Variants in PRELID2 observed in about 807,000 individuals in gnomAD.
The protein encoded by PRELID2 is PRELI domain containing 2.
A neutral mutation model predicts 28.4 loss-of-function variants in PRELID2; 25 were observed. The observed-to-expected ratio is 0.88, with a 90% CI of 0.64 to 1.23. The LOEUF is 1.23. PRELID2 is among the 50% of genes most tolerant of loss of function. PRELID2 has a pLI of 0.00. For synonymous variants in PRELID2, 76 were observed against 71.6 expected (o/e 1.06, Z -0.31); for missense variants, 201 against 214.4 (o/e 0.94, Z 0.39).
intron 1 of PRELID2, among the ~76,000 whole-genome samples, chr5:145,633,632 AT>A (rs1484018771): frequency 6.6e-6 from 1 of 152,218 alleles, no homozygotes; most frequent in East Asian, 1.9e-4. Flanking sequence ...GCATACTCCA[AT>A]ATCATGCTGT....
the PRELID2 span, among the ~76,000 whole-genome samples, chr5:145,362,811 G>A: frequency 6.6e-6 from 1 of 151,996 alleles, no homozygotes; most frequent in African/African-American, 2.4e-5. Context: ...ATGGTGTTTT[G>A]GCTGCCATGA....
In PRELID2 at chr5:145,819,632, C is replaced by G. The variant is rs531059099; in HGVS notation, c.207+313G>C. On this transcript the variant is annotated intron_variant, in intron 3 of 6. Coordinates refer to ENST00000683046, the MANE Select transcript of PRELID2 (RefSeq NM_205846.3). ...TCTTCCCATTTCTGATCATTCTCACCTAAGAGTAATTTCTAATCATGAACA... is the reference window on the plus strand; with the variant it reads ...TCTTCCCATTTCTGATCATTCTCACGTAAGAGTAATTTCTAATCATGAACA... 5 of 576,234 alleles carry G rather than the reference C, an allele frequency of 8.7e-6. No individual in the cohort carries two copies. In the Admixed American group the frequency reaches 1.4e-4, roughly 16 times the overall value. The allele number at this position is 576,234 out of a possible 1,614,324, so 35.7% of individuals were successfully genotyped here. A position where few individuals can be genotyped will look rare whatever the true frequency, so the allele number is the denominator to read the frequency against.
chr5:145,342,092 A>G, the PRELID2 span, among the ~76,000 whole-genome samples: 1 of 152,354 alleles, frequency 6.6e-6, no homozygotes, highest in Non-Finnish European at 1.5e-5. Flanking sequence ...GCCTGAAGAG[A>G]ATGAGATAAT....
intron 1 of PRELID2, among the ~76,000 whole-genome samples, chr5:145,563,022 C>T (rs897525898): frequency 1.3e-5 from 2 of 152,162 alleles, no homozygotes; most frequent in Non-Finnish European, 2.9e-5. Flanking sequence ...TCCTGTTCTT[C>T]CCTTTTCATG....
At chr5:145,395,849 C>G in the PRELID2 span, among the ~76,000 whole-genome samples, 1 of 152,116 alleles carries the variant, frequency 6.6e-6, no homozygotes, top group East Asian at 1.9e-4. Flanking sequence ...ATGTTAAAAT[C>G]TGAGCTTTAT....
the PRELID2 span, among the ~76,000 whole-genome samples, chr5:145,348,763 A>T: frequency 4.0e-5 from 6 of 151,856 alleles, no homozygotes; most frequent in Admixed American, 3.9e-4. Flanking sequence ...TGCAAATTTG[A>T]CTCCATGAAA....
chr5:145,329,718 A>G, the PRELID2 span, among the ~76,000 whole-genome samples: 13 of 152,298 alleles, frequency 8.5e-5, no homozygotes, highest in African/African-American at 2.6e-4. Flanking sequence ...CAATCATGTC[A>G]TCTGCAAACA....
At chr5:145,379,549 G>T in the PRELID2 span, among the ~76,000 whole-genome samples, 1 of 152,284 alleles carries the variant, frequency 6.6e-6, no homozygotes, top group South Asian at 2.1e-4. Context: ...CCTGTTCTCT[G>T]TGCAATGTTA....
the PRELID2 span, among the ~76,000 whole-genome samples, chr5:145,414,745 G>C: frequency 6.6e-6 from 1 of 152,118 alleles, no homozygotes; most frequent in Non-Finnish European, 1.5e-5. Flanking sequence ...TCAAATGAGT[G>C]CAATTTCAAC....
the PRELID2 span, among the ~76,000 whole-genome samples, chr5:145,417,477 A>T: frequency 6.6e-6 from 1 of 152,202 alleles, no homozygotes; most frequent in Non-Finnish European, 1.5e-5. Flanking sequence ...ATCCTTGATG[A>T]ACCTCAATGC....
intron 1 of PRELID2, among the ~76,000 whole-genome samples, chr5:145,720,273 C>A (rs1182953164): frequency 1.3e-5 from 2 of 151,488 alleles, no homozygotes; most frequent in Non-Finnish European, 3.0e-5. Flanking sequence ...AGAAAATTCA[C>A]CCTCAGTAGT....
At chr5:145,811,517 C>A (rs983906602) in intron 4 of PRELID2, among the ~76,000 whole-genome samples, 1 of 152,140 alleles carries the variant, frequency 6.6e-6, no homozygotes, top group Admixed American at 6.5e-5. Flanking sequence ...GAACTCCTGG[C>A]CACAAGATAC....
intron 1 of PRELID2, among the ~76,000 whole-genome samples, chr5:145,508,785 G>A (rs923267833): frequency 1.5e-4 from 23 of 152,116 alleles, no homozygotes; most frequent in African/African-American, 5.6e-4. Context: ...AAACAAACAT[G>A]CAGGAAGTCG....
At chr5:145,643,643 G>A (rs1011890651) in intron 1 of PRELID2, among the ~76,000 whole-genome samples, 5 of 152,174 alleles carry the variant, frequency 3.3e-5, no homozygotes, top group African/African-American at 1.2e-4. Flanking sequence ...GATATTGACT[G>A]TGGGTTTGTC....
chr5:145,313,257 A>G, the PRELID2 span, among the ~76,000 whole-genome samples: 1 of 152,232 alleles, frequency 6.6e-6, no homozygotes, highest in Non-Finnish European at 1.5e-5. Context: ...TAAAAAAATA[A>G]GAAAATGTTT....
At chr5:145,820,238 T>C (rs1754684394) in intron 2 of PRELID2, among the ~76,000 whole-genome samples, 1 of 151,862 alleles carries the variant, frequency 6.6e-6, no homozygotes, top group Non-Finnish European at 1.5e-5. Flanking sequence ...CAATGAATCT[T>C]TTAAAGTCAG....
intron 1 of PRELID2, among the ~76,000 whole-genome samples, chr5:145,655,559 C>T (rs1429244544): frequency 6.6e-6 from 1 of 152,104 alleles, no homozygotes; most frequent in Non-Finnish European, 1.5e-5. Context: ...GAGATATAGA[C>T]CAATGGAACA....
chr5:145,507,347 A>G lies in PRELID2; in HGVS notation n.71-34032T>C, dbSNP rs76885602. Among the ~76,000 whole-genome samples the G allele has an allele frequency of 8.4e-3, 1,270 of 152,044 alleles. 13 individuals carry two copies. Among genetic ancestry groups the G allele is most frequent in the African/African-American group, 0.028 (1,147 of 41,454 alleles). ...TATTATTATCTATAAAATGGGGGGGAAAAACTGCAGATTTGGCCATAGGGA... is the reference window on the plus strand; with the variant it reads ...TATTATTATCTATAAAATGGGGGGGGAAAACTGCAGATTTGGCCATAGGGA... On this transcript the variant is annotated intron_variant and non_coding_transcript_variant, in intron 1 of 2. Transcript: ENST00000510259.
At chr5:145,667,470 C>G (rs73302014) in intron 1 of PRELID2, among the ~76,000 whole-genome samples, 4,498 of 152,162 alleles carry the variant, frequency 0.03, 208 homozygotes, top group African/African-American at 0.099. Flanking sequence ...GATGCAGATA[C>G]TTCCCATTAT....
Sources: gnomAD v4.1 joint callset for allele counts (sites outside exome capture counted in the v4.1 genomes callset) on GRCh38, gnomAD v4.1.1 for gene constraint, MANE v1.5 for transcripts, NCBI Gene and HGNC (gene_info 2026-07-23, HGNC 2026-07-21) for gene names.